The following USP44 variants were observed in gnomAD, a reference collection of about 807,000 sequenced individuals.
USP44 encodes ubiquitin carboxyl-terminal hydrolase 44.
USP44 carries 61 observed loss-of-function variants against 69.0 expected under a neutral mutation model. The observed-to-expected ratio is 0.88, with a 90% confidence interval of 0.72 to 1.09. The LOEUF (loss-of-function observed/expected upper bound fraction) is 1.09. USP44 is among the 50% of genes least tolerant of loss of function. The probability of loss-of-function intolerance (pLI) is 0.00; values close to 1 mark genes in which losing one functional copy is unlikely to be tolerated. For synonymous variants in USP44, 297 were observed against 295.4 expected (o/e 1.01, Z -0.06); for missense variants, 753 against 849.9 (o/e 0.89, Z 1.42).
intron 2 of USP44, among the ~76,000 whole-genome samples, chr12:95,532,456 C>T (rs2077051366): frequency 6.6e-6 from 1 of 152,018 alleles, no homozygotes; most frequent in Non-Finnish European, 1.5e-5. Context: ...GTGTGAGCCC[C>T]CACGCCCGGC....
chr12:95,517,683 T>C lies in USP44; in HGVS notation c.*471A>G. ...AATACCAGTGAGTGTGACTGAAGAATATTTAGGTGATACCTTGACATGTCA... is the reference window on the plus strand; with the variant it reads ...AATACCAGTGAGTGTGACTGAAGAACATTTAGGTGATACCTTGACATGTCA... On this transcript the variant is annotated 3_prime_UTR_variant, in exon 6 of 6. Coordinates refer to ENST00000258499, the MANE Select transcript of USP44 (RefSeq NM_032147.5). 1 of 154,082 alleles carries C rather than the reference T, an allele frequency of 6.5e-6. No homozygotes were observed. Among genetic ancestry groups the C allele is most frequent in the East Asian group, 1.9e-4 (1 of 5,240 alleles). The allele number at this position is 154,082 out of a possible 1,614,324, so 9.5% of individuals were successfully genotyped here. A position where few individuals can be genotyped will look rare whatever the true frequency, so the allele number is the denominator to read the frequency against.
At chr12:95,541,694 C>T (rs1263390969) in intron 1 of USP44, among the ~76,000 whole-genome samples, 2 of 152,080 alleles carry the variant, frequency 1.3e-5, no homozygotes, top group Non-Finnish European at 2.9e-5. Context: ...ATACATTTGT[C>T]AGTCTTGCTT....
At chr12:95,519,494 C>A (rs935344631) in intron 5 of USP44, among the ~76,000 whole-genome samples, 2 of 128,934 alleles carry the variant, frequency 1.6e-5, no homozygotes, top group African/African-American at 5.9e-5. Context: ...GGCTGGAGTA[C>A]AGTGGCGCAG....
chr12:95,530,326 A>G (rs546926518), intron 2 of USP44, among the ~76,000 whole-genome samples: 17 of 152,318 alleles, frequency 1.1e-4, no homozygotes, highest in Admixed American at 7.8e-4. Flanking sequence ...AAAACACACA[A>G]AAAGCCATCC....
chr12:95,521,527 A>C (rs1006043336), intron 4 of USP44, among the ~76,000 whole-genome samples: 17 of 152,196 alleles, frequency 1.1e-4, no homozygotes, highest in African/African-American at 4.1e-4. Context: ...TTTGAGACGG[A>C]GTCTTGCTCT....
At chr12:95,531,947 C>T (rs746941756) in intron 2 of USP44, among the ~76,000 whole-genome samples, 1 of 152,070 alleles carries the variant, frequency 6.6e-6, no homozygotes, top group Non-Finnish European at 1.5e-5. Flanking sequence ...TTTTATAGTC[C>T]ACCTTATCAT....
At position 95,532,905 on chromosome 12, in the gene USP44, G is replaced by A. The variant is rs1393094146; in HGVS notation, c.1352C>T (p.Pro451Leu). 6.2e-7 allele frequency: 1 copy of A among 1,613,240 alleles called. No individual in the cohort carries two copies. The highest frequency in any genetic ancestry group is 1.7e-5 in the Admixed American group (1 of 59,820). ...TTGTSLPALI[P>L]TSQRKLIKQV... ...TTTGATGAGTTTCCTTTGAGAAGTGGGGATAAGAGCTGGTAAACTGGTACC... is the reference window on the plus strand; with the variant it reads ...TTTGATGAGTTTCCTTTGAGAAGTGAGGATAAGAGCTGGTAAACTGGTACC... Residue 451 changes from proline to leucine, a missense_variant, in exon 2 of 6, where the codon CCC becomes CTC. Physicochemically the swap from Pro to Leu is moderately conservative, Grantham distance 98. Transcript: ENST00000258499.
At position 95,529,056 on chromosome 12, in the gene USP44, A is replaced by G. The variant is rs184011574; in HGVS notation, c.1429-54T>C. ...TTATAATCTTTCCATCAAAACATTA[A>G]CTCTTTTCACTAGAGGTCACTGCCA... On this transcript the variant is annotated intron_variant, in intron 2 of 5. Transcript: ENST00000258499. 1.2e-4 allele frequency: 168 copies of G among 1,453,116 alleles called. 1 individual carries two copies. In the African/African-American group the frequency reaches 2.2e-3, roughly 19 times the overall value. 90.0% of individuals were successfully genotyped at this position (1,453,116 alleles called of 1,614,324 possible).
chr12:95,521,546 G>A (rs2076662837), intron 4 of USP44, among the ~76,000 whole-genome samples: 1 of 152,330 alleles, frequency 6.6e-6, no homozygotes, highest in East Asian at 1.9e-4. Context: ...CTGTTACCTA[G>A]GCTGGAGTGC....
chr12:95,538,495 A>C (rs1356507773), intron 1 of USP44, among the ~76,000 whole-genome samples: 1 of 151,912 alleles, frequency 6.6e-6, no homozygotes, highest in East Asian at 1.9e-4. Context: ...TCAAGATGTT[A>C]GCTAAGAACT....
At chr12:95,521,298 G>T in intron 4 of USP44, 96 bp from the exon 5 acceptor site, 1 of 1,058,992 alleles carries the variant, frequency 9.4e-7, no homozygotes, top group Non-Finnish European at 1.5e-6. Context: ...CAGGCAGCAT[G>T]GAATACAAAG....
At chr12:95,549,390 T>C (rs533378908) in intron 1 of USP44, among the ~76,000 whole-genome samples, 3 of 152,250 alleles carry the variant, frequency 2.0e-5, no homozygotes, top group Non-Finnish European at 4.4e-5. Flanking sequence ...TAGAACTGCC[T>C]AACCCGAAAT....
chr12:95,538,145 G>GTAAAAC (rs1393204668), intron 1 of USP44, among the ~76,000 whole-genome samples: 1 of 150,458 alleles, frequency 6.6e-6, no homozygotes, highest in African/African-American at 2.5e-5. Context: ...AGGGATTACA[G>GTAAAAC]TAAAACGGTG....
At chr12:95,543,096 A>G (rs2077444620) in intron 1 of USP44, among the ~76,000 whole-genome samples, 1 of 78,886 alleles carries the variant, frequency 1.3e-5, no homozygotes, top group Non-Finnish European at 3.0e-5. Context: ...TCAAAAAAAA[A>G]AAAGAAAGAA....
At chr12:95,519,728 G>A (rs368807779) in intron 5 of USP44, among the ~76,000 whole-genome samples, 2 of 148,488 alleles carry the variant, frequency 1.3e-5, no homozygotes, top group Admixed American at 1.3e-4. Context: ...CACCGCGCCC[G>A]GCCCTCAATC....
chr12:95,531,112 C>G (rs1427885949), intron 2 of USP44, among the ~76,000 whole-genome samples: 2 of 151,552 alleles, frequency 1.3e-5, no homozygotes, highest in African/African-American at 4.9e-5. Flanking sequence ...TGCAGTGAGC[C>G]GAGATCGCGC....
At chr12:95,524,585 AAAGT>A (rs1452339770) in intron 4 of USP44, 91 bp downstream of exon 4, 3 of 907,674 alleles carry the variant, frequency 3.3e-6, no homozygotes, top group East Asian at 2.7e-5. Context: ...AAAGGTGATT[AAAGT>A]AAGGGGAAAA....
chr12:95,534,279 G>A lies in USP44; in HGVS notation c.-23C>T, dbSNP rs184106013. 1.3e-4 allele frequency: 212 copies of A among 1,583,458 alleles called. No individual in the cohort carries two copies. The African/African-American group carries it at 2.7e-3, about 20-fold the overall frequency. On this transcript the variant is annotated 5_prime_UTR_variant, in exon 2 of 6. Coordinates refer to ENST00000258499, the MANE Select transcript of USP44 (RefSeq NM_032147.5). ...CATTTATTTAGTCTAGCTGAGAAAT[G>A]CATAATCCAAACAAGTCTCTGTTCA... is the stretch of plus-strand genomic sequence containing the variant.
chr12:95,523,014 G>T (rs1183940845), intron 4 of USP44, among the ~76,000 whole-genome samples: 1 of 152,064 alleles, frequency 6.6e-6, no homozygotes, highest in Non-Finnish European at 1.5e-5. Context: ...AACCCAAAAG[G>T]ATGGGCTTCT....
Sources: gnomAD v4.1 joint callset for allele counts (sites outside exome capture counted in the v4.1 genomes callset) on GRCh38, gnomAD v4.1.1 for gene constraint, MANE v1.5 for transcripts, NCBI Gene and HGNC (gene_info 2026-07-23, HGNC 2026-07-21) for gene names.